The following VWC2 variants were observed in gnomAD, a reference collection of about 807,000 sequenced individuals.
The protein encoded by VWC2 is von Willebrand factor C domain containing 2, also known as brorin.
VWC2 carries 14 observed loss-of-function variants against 29.8 expected under a neutral mutation model. That is an observed-to-expected ratio of 0.47 (90% CI 0.31 to 0.74). The LOEUF (loss-of-function observed/expected upper bound fraction) is 0.74, where lower values mean the gene tolerates loss of function less well. VWC2 is among the 30% of genes least tolerant of loss of function. VWC2 has a pLI of 0.05. For missense variants in VWC2, 457 were observed against 459.8 expected, an observed-to-expected ratio of 0.99 and a Z score of 0.05; for synonymous variants, 213 against 199.0, an observed-to-expected ratio of 1.07 and a Z score of -0.59.
intron 3 of VWC2, among the ~76,000 whole-genome samples, chr7:49,824,609 G>T (rs1789349699): frequency 6.6e-6 from 1 of 152,082 alleles, no homozygotes. Context: ...GATTTTGGTT[G>T]AGTTTGCATT....
chr7:49,855,243 T>C (rs1181008276), intron 3 of VWC2, among the ~76,000 whole-genome samples: 1 of 152,196 alleles, frequency 6.6e-6, no homozygotes, highest in African/African-American at 2.4e-5. Context: ...TGTTTTACAA[T>C]AAATGGTTGA....
At chr7:49,875,794 C>A (rs1253113025) in intron 3 of VWC2, among the ~76,000 whole-genome samples, 1 of 152,098 alleles carries the variant, frequency 6.6e-6, no homozygotes, top group Non-Finnish European at 1.5e-5. Context: ...CAAAAAGTAA[C>A]CATTTATTGT....
chr7:49,784,290 A>G (rs1788246917), intron 2 of VWC2, among the ~76,000 whole-genome samples: 1 of 152,208 alleles, frequency 6.6e-6, no homozygotes, highest in African/African-American at 2.4e-5. Context: ...CCCATCCCTG[A>G]CACCTTTCTG....
intron 2 of VWC2, among the ~76,000 whole-genome samples, chr7:49,788,783 AGTGTGGGTGAGTGTGACT>A (rs1562704836): frequency 1.6e-5 from 2 of 126,250 alleles, no homozygotes; most frequent in South Asian, 2.6e-4. Flanking sequence ...GGTGTGTATG[AGTGTGGGTGAGTGTGACT>A]GTGTGGGTGC....
intron 3 of VWC2, among the ~76,000 whole-genome samples, chr7:49,881,868 T>C (rs1301121171): frequency 2.0e-5 from 3 of 152,092 alleles, no homozygotes; most frequent in East Asian, 3.8e-4. Flanking sequence ...GTTGAATTCA[T>C]AGATTTTTTA....
intron 3 of VWC2, among the ~76,000 whole-genome samples, chr7:49,828,227 C>T (rs1036729197): frequency 6.6e-6 from 1 of 152,078 alleles, no homozygotes; most frequent in African/African-American, 2.4e-5. Context: ...AGTAGTATTC[C>T]GTTGTACAAA....
At chr7:49,872,251 C>T (rs1349198138) in intron 3 of VWC2, among the ~76,000 whole-genome samples, 2 of 152,036 alleles carry the variant, frequency 1.3e-5, no homozygotes, top group African/African-American at 4.8e-5. Flanking sequence ...GACAGAGGGG[C>T]TACTGTTGAA....
chr7:49,902,960 AC>A (rs1477564333), intron 3 of VWC2, among the ~76,000 whole-genome samples: 1 of 152,172 alleles, frequency 6.6e-6, no homozygotes, highest in African/African-American at 2.4e-5. Flanking sequence ...TAGGCAAAAT[AC>A]ATGAAGAGTC....
intron 3 of VWC2, among the ~76,000 whole-genome samples, chr7:49,902,689 C>T (rs1019617832): frequency 6.6e-6 from 1 of 151,776 alleles, no homozygotes; most frequent in African/African-American, 2.4e-5. Context: ...AACTTTAGGA[C>T]GTAGGGCTTC....
intron 3 of VWC2, among the ~76,000 whole-genome samples, chr7:49,898,338 C>G (rs551570158): frequency 3.3e-4 from 50 of 151,444 alleles, no homozygotes; most frequent in Non-Finnish European, 6.0e-4. Flanking sequence ...AAAACCTTCA[C>G]TTATTCTTTC....
intron 3 of VWC2, among the ~76,000 whole-genome samples, chr7:49,814,850 A>C (rs189722135): frequency 2.4e-4 from 36 of 152,082 alleles, no homozygotes; most frequent in Admixed American, 6.5e-4. Flanking sequence ...TTTAACTCTC[A>C]CTGAGTCTGT....
chr7:49,823,559 C>T (rs918618872), intron 3 of VWC2, among the ~76,000 whole-genome samples: 1 of 152,108 alleles, frequency 6.6e-6, no homozygotes, highest in Non-Finnish European at 1.5e-5. Flanking sequence ...ATAAGAAGGT[C>T]CATTCCTGGG....
At chr7:49,895,235 C>T (rs1375544058) in intron 3 of VWC2, among the ~76,000 whole-genome samples, 1 of 152,088 alleles carries the variant, frequency 6.6e-6, no homozygotes, top group East Asian at 1.9e-4. Context: ...ATGAACAGTT[C>T]CCTCACATTT....
At chr7:49,795,880 C>T (rs1788576974) in intron 2 of VWC2, among the ~76,000 whole-genome samples, 2 of 152,112 alleles carry the variant, frequency 1.3e-5, no homozygotes, top group African/African-American at 4.8e-5. Flanking sequence ...ACTGTCTGCA[C>T]ACATAGGGGT....
intron 3 of VWC2, among the ~76,000 whole-genome samples, chr7:49,877,977 ATCT>A (rs1437473632): frequency 1.3e-5 from 2 of 151,882 alleles, no homozygotes; most frequent in African/African-American, 2.4e-5. Context: ...GGGTTAAATA[ATCT>A]TCTCCTTTCT....
chr7:49,912,311 C>A lies in VWC2; in HGVS notation c.*126C>A. 1 of 999,646 alleles carries A rather than the reference C, an allele frequency of 1.0e-6. No homozygotes were observed. Among genetic ancestry groups the A allele is most frequent in the African/African-American group, 1.6e-5 (1 of 61,546 alleles). The allele number at this position is 999,646 out of a possible 1,614,324, so 61.9% of individuals were successfully genotyped here. On this transcript the variant is annotated 3_prime_UTR_variant, in exon 4 of 4. Coordinates refer to ENST00000340652, the MANE Select transcript of VWC2 (RefSeq NM_198570.5). ...GAGGAATAATGGAAAATTGTTGGTA[C>A]TTTTCCTTTTCTTGATAACAGTTAC...
At chr7:49,840,276 G>C (rs1789763824) in intron 3 of VWC2, among the ~76,000 whole-genome samples, 1 of 152,198 alleles carries the variant, frequency 6.6e-6, no homozygotes, top group African/African-American at 2.4e-5. Flanking sequence ...TAGAGCTGTG[G>C]GGAATGTCTG....
At position 49,914,635 on chromosome 7, in the gene VWC2, C is replaced by G. The variant is rs1793623944; in HGVS notation, c.*2450C>G. ...CATTATTTGCATTTTTGTCCAAGAT[C>G]AACTTCTTCTTGCAGTTAGACTTTC... On this transcript the variant is annotated 3_prime_UTR_variant, in exon 4 of 4. Transcript: ENST00000340652. The G allele has an allele frequency of 6.6e-6, 1 of 152,196 alleles. No individual in the cohort carries two copies. The highest frequency in any genetic ancestry group is 6.5e-5 in the Admixed American group (1 of 15,272). The allele number at this position is 152,196 out of a possible 1,614,324, so 9.4% of individuals were successfully genotyped here.
chr7:49,897,335 G>C (rs1228981133), intron 3 of VWC2, among the ~76,000 whole-genome samples: 1 of 151,944 alleles, frequency 6.6e-6, no homozygotes, highest in Non-Finnish European at 1.5e-5. Flanking sequence ...CAAAACCAAA[G>C]ACAGTGAAAA....
Sources: allele counts gnomAD v4.1 joint callset (sites outside exome capture counted in the v4.1 genomes callset), GRCh38; gene constraint gnomAD v4.1.1; transcripts MANE v1.5; gene names NCBI Gene and HGNC (gene_info 2026-07-23, HGNC 2026-07-21).